The following FER1L6 variants were observed in gnomAD, a reference collection of about 807,000 sequenced individuals.
FER1L6 encodes the protein fer-1 like family member 6.
FER1L6 carries 177 observed loss-of-function variants against 219.2 expected under a neutral mutation model. That is an observed-to-expected ratio of 0.81 (90% CI 0.71 to 0.91). The LOEUF (loss-of-function observed/expected upper bound fraction) is 0.91. Ranked by LOEUF, FER1L6 falls within the 40% of genes least tolerant of loss-of-function variation. FER1L6 has a pLI of 0.00. For synonymous variants in FER1L6, 768 were observed against 824.3 expected, an observed-to-expected ratio of 0.93 and a Z score of 1.17; for missense variants, 2,153 against 2,259.9, an observed-to-expected ratio of 0.95 and a Z score of 0.96.
chr8:124,110,883 G>GC (rs1226147229), intron 39 of FER1L6, among the ~76,000 whole-genome samples: 5 of 151,944 alleles, frequency 3.3e-5, no homozygotes, highest in South Asian at 2.1e-4. Context: ...TGTTATCAGT[G>GC]CCCCCCCTCC....
chr8:123,936,761 C>T (rs562284212), intron 1 of FER1L6, among the ~76,000 whole-genome samples: 14 of 152,160 alleles, frequency 9.2e-5, no homozygotes, highest in African/African-American at 2.9e-4. Context: ...TGAAGCAGTT[C>T]TCGAGGGAGC....
intron 28 of FER1L6, 24 bp downstream of exon 28, chr8:124,067,830 T>C (rs749333679): frequency 1.2e-6 from 2 of 1,600,962 alleles, no homozygotes; most frequent in East Asian, 2.2e-5. Context: ...CTGGGGACAT[T>C]TGTCCATAGA....
chr8:124,101,643 T>A (rs1348945890), intron 38 of FER1L6, among the ~76,000 whole-genome samples: 2 of 152,238 alleles, frequency 1.3e-5, no homozygotes, highest in African/African-American at 4.8e-5. Flanking sequence ...TAATATTACA[T>A]ACTTCAGAGA....
Position 123,853,771 on chromosome 8 carries a change from C to G in FER1L6, c.-8+1586C>G, listed in dbSNP as rs1816572417. ...AAAGCTGCAGACAACCCAACAGTGT[C>G]AAGCACAGAGGCTGGTTTTCACTGA... On this transcript the variant is annotated intron_variant, in intron 1 of 40. Transcript: ENST00000522917. This position sits in a 1 kb window ranked among gnomAD's most constrained non-coding sequence, Gnocchi z 6.6. 6.6e-6 allele frequency among the ~76,000 whole-genome samples: 1 copy of G among 152,198 alleles called. No individual in the cohort carries two copies. Among genetic ancestry groups the G allele is most frequent in the Non-Finnish European group, 1.5e-5 (1 of 68,032 alleles).
intron 21 of FER1L6, 82 bp downstream of exon 21, chr8:124,045,983 T>TAA: frequency 1.3e-6 from 2 of 1,542,826 alleles, no homozygotes; most frequent in Non-Finnish European, 1.8e-6. Flanking sequence ...TTAAAGTAAA[T>TAA]AAAGTCCTGA....
chr8:123,961,075 C>G (rs536069000), intron 2 of FER1L6, among the ~76,000 whole-genome samples: 7 of 151,998 alleles, frequency 4.6e-5, no homozygotes, highest in Non-Finnish European at 1.0e-4. Context: ...TAGTGAGACC[C>G]CTTTGTCTCT....
At chr8:124,013,697 A>G (rs1002277345) in intron 15 of FER1L6, 166 bp downstream of exon 15, 13 of 449,642 alleles carry the variant, frequency 2.9e-5, no homozygotes, top group Middle Eastern at 6.1e-4. Flanking sequence ...TGGACTAACT[A>G]TTGCTTCTTG....
At position 123,887,672 on chromosome 8, in the gene FER1L6, A is replaced by G. The variant is rs539862340; in HGVS notation, c.-8+35487A>G. Among the ~76,000 whole-genome samples, 4 of 143,386 alleles carry G rather than the reference A, an allele frequency of 2.8e-5. No homozygotes were observed. In the Admixed American group the frequency reaches 2.8e-4, roughly 10 times the overall value. 94.1% of individuals were successfully genotyped at this position (143,386 alleles called of 152,430 possible). A position where few individuals can be genotyped will look rare whatever the true frequency, so the allele number is the denominator to read the frequency against. Reference sequence around the variant, plus strand: ...GCACCCTGACTGTTTCAGTATAGATACTTTTGGGGGCTTGTTTGAAATTGT... The same window carrying G: ...GCACCCTGACTGTTTCAGTATAGATGCTTTTGGGGGCTTGTTTGAAATTGT... On this transcript the variant is annotated intron_variant, in intron 1 of 40. Coordinates refer to ENST00000522917, the MANE Select transcript of FER1L6 (RefSeq NM_001039112.2).
intron 22 of FER1L6, among the ~76,000 whole-genome samples, chr8:124,059,874 T>A (rs1820479766): frequency 1.3e-5 from 2 of 152,304 alleles, no homozygotes; most frequent in South Asian, 4.1e-4. Context: ...TGTGTAATTT[T>A]ATTAAGTTGT....
At position 123,852,366 on chromosome 8, in the gene FER1L6, A is replaced by G. The variant is rs1378807945; in HGVS notation, c.-8+181A>G. ...GCTGGTCACCCCAGGGAATGGTGCC[A>G]TATATTGGGGACTCAGCATTGGTCT... On this transcript the variant is annotated intron_variant, in intron 1 of 40. Transcript: ENST00000522917. The surrounding 1 kb of genome is among the most constrained non-coding windows in gnomAD (Gnocchi z 4.9). Among the ~76,000 whole-genome samples, 2 of 152,050 alleles carry G rather than the reference A, an allele frequency of 1.3e-5. No homozygotes were observed. The highest frequency in any genetic ancestry group is 3.9e-4 in the East Asian group (2 of 5,178).
chr8:123,888,793 T>C (rs1316352853), intron 1 of FER1L6, among the ~76,000 whole-genome samples: 1 of 152,204 alleles, frequency 6.6e-6, no homozygotes, highest in African/African-American at 2.4e-5. Flanking sequence ...AGCTATTGGA[T>C]GTTTGTGTGA....
At chr8:123,975,644 T>C (rs935827379) in intron 8 of FER1L6, among the ~76,000 whole-genome samples, 16 of 152,232 alleles carry the variant, frequency 1.1e-4, no homozygotes, top group Admixed American at 2.6e-4. Flanking sequence ...AAGACTTAAA[T>C]GCACCTCTTT....
chr8:124,043,735 G>A (rs528994878), intron 20 of FER1L6, among the ~76,000 whole-genome samples: 1 of 152,328 alleles, frequency 6.6e-6, no homozygotes, highest in African/African-American at 2.4e-5. Flanking sequence ...AGAGAAAGCA[G>A]TCTGTTGTCT....
intron 1 of FER1L6, among the ~76,000 whole-genome samples, chr8:123,903,797 C>G (rs376997628): frequency 6.6e-6 from 1 of 152,124 alleles, no homozygotes; most frequent in Non-Finnish European, 1.5e-5. Context: ...CGCCCTAACC[C>G]GAGTACCCTG....
intron 1 of FER1L6, among the ~76,000 whole-genome samples, chr8:123,936,922 T>C (rs1814030187): frequency 6.6e-6 from 1 of 152,170 alleles, no homozygotes; most frequent in African/African-American, 2.4e-5. Flanking sequence ...TTTTTTTTTG[T>C]GATGTGGAGT....
At chr8:123,855,535 G>A (rs1297884953) in intron 1 of FER1L6, among the ~76,000 whole-genome samples, 1 of 152,068 alleles carries the variant, frequency 6.6e-6, no homozygotes, top group Non-Finnish European at 1.5e-5. Flanking sequence ...GTGGGCAATA[G>A]TTGGATGTGT....
intron 1 of FER1L6, among the ~76,000 whole-genome samples, chr8:123,897,045 A>C (rs928425484): frequency 2.0e-5 from 3 of 152,140 alleles, no homozygotes; most frequent in African/African-American, 7.2e-5. Flanking sequence ...GTCACCCTTG[A>C]TTCTTTTCTT....
At chr8:123,859,252 T>G (rs943573679) in intron 1 of FER1L6, among the ~76,000 whole-genome samples, 13 of 152,186 alleles carry the variant, frequency 8.5e-5, no homozygotes, top group African/African-American at 3.1e-4. Context: ...CTGCCTGCCT[T>G]GGCTTCCCAA....
At chr8:124,102,592 G>A (rs1161267580) in intron 38 of FER1L6, among the ~76,000 whole-genome samples, 4 of 152,208 alleles carry the variant, frequency 2.6e-5, no homozygotes, top group Admixed American at 2.6e-4. Context: ...TGGTTAAAGA[G>A]ATATAGAACT....
Sources: gnomAD v4.1 joint callset for allele counts (sites outside exome capture counted in the v4.1 genomes callset) on GRCh38, gnomAD v4.1.1 for gene constraint, Gnocchi (gnomAD v3.1) non-coding constraint, MANE v1.5 for transcripts, NCBI Gene and HGNC (gene_info 2026-07-23, HGNC 2026-07-21) for gene names.